MAP3K2: variants seen among roughly 807,000 people sequenced by gnomAD.
The protein encoded by MAP3K2 is mitogen-activated protein kinase kinase kinase 2, also known as MAP/ERK kinase kinase 2.
Under a neutral mutation model 80.3 loss-of-function variants are expected in MAP3K2, and 24 were observed. That is an observed-to-expected ratio of 0.30 (90% confidence interval 0.22 to 0.42). The LOEUF (loss-of-function observed/expected upper bound fraction) is 0.42. Ranked by LOEUF, MAP3K2 falls within the 10% of genes least tolerant of loss-of-function variation. MAP3K2 has a pLI of 1.00. For missense variants in MAP3K2, 608 were observed against 750.1 expected (o/e 0.81, Z 2.21); for synonymous variants, 244 against 253.7 (o/e 0.96, Z 0.36).
chr2:127,370,545 C>T (rs2104887010), intron 1 of MAP3K2, among the ~76,000 whole-genome samples: 1 of 152,308 alleles, frequency 6.6e-6, no homozygotes, highest in South Asian at 2.1e-4. Flanking sequence ...TCAACAGAAA[C>T]AGTATATAAA....
At position 127,303,160 on chromosome 2, in the gene MAP3K2, G is replaced by C. The variant is rs1356514602; in HGVS notation, c.*4419C>G. The C allele has an allele frequency of 6.6e-6, 1 of 151,984 alleles. No individual in the cohort carries two copies. The highest frequency in any genetic ancestry group is 1.5e-5 in the Non-Finnish European group (1 of 67,972). 9.4% of individuals were successfully genotyped at this position (151,984 alleles called of 1,614,324 possible). On this transcript the variant is annotated 3_prime_UTR_variant, in exon 17 of 17. Coordinates refer to ENST00000682094, the MANE Select transcript of MAP3K2 (RefSeq NM_001371910.2). Reference sequence around the variant, plus strand: ...TCAAATAAATATGAACATTACATTTGTAAAACAAAGGCCAAACTTAGTAAT... The same window carrying C: ...TCAAATAAATATGAACATTACATTTCTAAAACAAAGGCCAAACTTAGTAAT...
chr2:127,359,170 AAC>A (rs1370945296), intron 1 of MAP3K2, among the ~76,000 whole-genome samples: 5 of 152,170 alleles, frequency 3.3e-5, no homozygotes, highest in South Asian at 4.1e-4. Context: ...CAGAATATAC[AAC>A]AGAGTTAATT....
chr2:127,325,766 G>A lies in MAP3K2; in HGVS notation c.639C>T (p.Gly213=). The change falls in exon 9 of 17, where the codon GGC becomes GGT. Residue 213 remains glycine (G), a synonymous_variant. Coordinates refer to ENST00000682094, the MANE Select transcript of MAP3K2 (RefSeq NM_001371910.2). ...TATCAAGTGATGGACAACTTCCTGAGCCAGAATTTTCAGGGCTGCTTAAAG... is the reference window on the plus strand; with the variant it reads ...TATCAAGTGATGGACAACTTCCTGAACCAGAATTTTCAGGGCTGCTTAAAG... ...PLSLSSPENS[G]SGSCPSLDSP... The A allele has an allele frequency of 6.2e-7, 1 of 1,613,374 alleles. No individual in the cohort carries two copies. Among genetic ancestry groups the A allele is most frequent in the Non-Finnish European group, 8.5e-7 (1 of 1,179,584 alleles).
chr2:127,373,977 C>T (rs1291809143), intron 1 of MAP3K2, among the ~76,000 whole-genome samples: 2 of 152,194 alleles, frequency 1.3e-5, no homozygotes, highest in Admixed American at 6.5e-5. Context: ...GTTCTTATCT[C>T]GTACTTCTGT....
At chr2:127,325,587 C>A (rs527821345) in intron 9 of MAP3K2, 141 bp downstream of exon 9, 1 of 583,428 alleles carries the variant, frequency 1.7e-6, no homozygotes, top group East Asian at 2.9e-5. Flanking sequence ...CCTCGGGGGT[C>A]AGAGGTGGGA....
At chr2:127,348,275 C>A (rs1686633171) in intron 1 of MAP3K2, among the ~76,000 whole-genome samples, 1 of 152,080 alleles carries the variant, frequency 6.6e-6, no homozygotes, top group South Asian at 2.1e-4. Context: ...GTAATCCCAG[C>A]TACTCAGGAG....
chr2:127,359,163 A>C (rs1686844466), intron 1 of MAP3K2, among the ~76,000 whole-genome samples: 1 of 152,180 alleles, frequency 6.6e-6, no homozygotes. Context: ...AAACCCCCAG[A>C]ATATACAACA....
In MAP3K2 at chr2:127,300,636, CCAATAA is replaced by C. The variant is rs1685572963; in HGVS notation, c.*6937_*6942del. On this transcript the variant is annotated 3_prime_UTR_variant, in exon 17 of 17. Coordinates refer to ENST00000682094, the MANE Select transcript of MAP3K2 (RefSeq NM_001371910.2). ...GAATTCAGGGTAGCAAATTTTAAAA[CCAATAA>C]CAATAGAAAAAATGTAAACCATTTA... is the stretch of plus-strand genomic sequence containing the variant. 6.6e-6 allele frequency: 1 copy of C among 152,032 alleles called. No homozygotes were observed. Among genetic ancestry groups the C allele is most frequent in the African/African-American group, 2.4e-5 (1 of 41,390 alleles). 9.4% of individuals were successfully genotyped at this position (152,032 alleles called of 1,614,324 possible). A position where few individuals can be genotyped will look rare whatever the true frequency, so the allele number is the denominator to read the frequency against.
At chr2:127,362,203 C>T (rs547832019) in intron 1 of MAP3K2, among the ~76,000 whole-genome samples, 34 of 152,322 alleles carry the variant, frequency 2.2e-4, no homozygotes, top group South Asian at 2.1e-3. Context: ...GGACTGAAAT[C>T]GGCATTTGCC....
chr2:127,331,664 C>G (rs116742952), intron 5 of MAP3K2, among the ~76,000 whole-genome samples: 2,229 of 152,298 alleles, frequency 0.015, 61 homozygotes, highest in African/African-American at 0.05. Flanking sequence ...GGCTGGAGTA[C>G]AGTGGCAATC....
At chr2:127,365,744 T>C (rs546344533) in intron 1 of MAP3K2, among the ~76,000 whole-genome samples, 11 of 152,338 alleles carry the variant, frequency 7.2e-5, no homozygotes, top group African/African-American at 2.6e-4. Flanking sequence ...CAGATTCACC[T>C]GTAAACGCTG....
intron 1 of MAP3K2, among the ~76,000 whole-genome samples, chr2:127,354,431 CCCT>C (rs1266291581): frequency 6.6e-6 from 1 of 151,924 alleles, no homozygotes; most frequent in Non-Finnish European, 1.5e-5. Flanking sequence ...GGCAATGACA[CCCT>C]GATTTTATCT....
At chr2:127,342,666 AC>A (rs1455719068) in intron 2 of MAP3K2, among the ~76,000 whole-genome samples, 1 of 109,010 alleles carries the variant, frequency 9.2e-6, no homozygotes, top group Non-Finnish European at 1.8e-5. Flanking sequence ...AAAGGAAAAA[AC>A]AAAAAGGAGG....
At chr2:127,315,601 C>T (rs987945144) in intron 14 of MAP3K2, among the ~76,000 whole-genome samples, 6 of 152,158 alleles carry the variant, frequency 3.9e-5, no homozygotes, top group African/African-American at 1.2e-4. Flanking sequence ...CAGTTCAGCA[C>T]GGCTTGTTTG....
chr2:127,361,404 T>A (rs1232493833), intron 1 of MAP3K2, among the ~76,000 whole-genome samples: 3 of 151,580 alleles, frequency 2.0e-5, no homozygotes, highest in Admixed American at 2.0e-4. Context: ...ATATAGAGCC[T>A]CCCAGAATGA....
intron 1 of MAP3K2, among the ~76,000 whole-genome samples, chr2:127,380,357 G>C (rs1034998753): frequency 5.3e-5 from 8 of 152,144 alleles, no homozygotes; most frequent in African/African-American, 1.9e-4. Flanking sequence ...AAAGAATACC[G>C]ATAAAATATA....
intron 5 of MAP3K2, among the ~76,000 whole-genome samples, chr2:127,333,277 AACACACAC>A (rs35382458): frequency 6.9e-5 from 10 of 144,886 alleles, no homozygotes; most frequent in South Asian, 2.3e-4. Flanking sequence ...CAACCCTCAT[AACACACAC>A]ACACACACAC....
In MAP3K2 at chr2:127,340,487, T is replaced by A. The variant is rs1260541492; in HGVS notation, c.5-1437A>T. ...GTCTGGCCGATATGGTGAAACCCCG[T>A]CTCCACTAAAAATACAAAAATTAGC... On this transcript the variant is annotated intron_variant, in intron 2 of 16. Coordinates refer to ENST00000682094, the MANE Select transcript of MAP3K2 (RefSeq NM_001371910.2). 2.0e-5 allele frequency among the ~76,000 whole-genome samples: 3 copies of A among 151,996 alleles called. No homozygotes were observed. In the East Asian group the frequency reaches 5.8e-4, roughly 29 times the overall value.
chr2:127,332,753 G>A (rs540976982), intron 5 of MAP3K2, among the ~76,000 whole-genome samples: 5 of 152,196 alleles, frequency 3.3e-5, no homozygotes, highest in South Asian at 2.1e-4. Flanking sequence ...AATTGAGTTC[G>A]AGAACCATTA....
Sources: allele counts gnomAD v4.1 joint callset (sites outside exome capture counted in the v4.1 genomes callset), GRCh38; gene constraint gnomAD v4.1.1; transcripts MANE v1.5; gene names NCBI Gene and HGNC (gene_info 2026-07-23, HGNC 2026-07-21).